TSGA10IP: variants seen among roughly 807,000 people sequenced by gnomAD.
The protein encoded by TSGA10IP is testis-specific protein 10-interacting protein.
A neutral mutation model predicts 63.2 loss-of-function variants in TSGA10IP; 64 were observed. The ratio of observed to expected loss-of-function variants is 1.01; its 90% CI spans 0.83 to 1.25. The LOEUF (loss-of-function observed/expected upper bound fraction) is 1.25. TSGA10IP is among the 50% of genes most tolerant of loss of function. TSGA10IP has a pLI of 0.00. For synonymous variants in TSGA10IP, 316 were observed against 298.3 expected (o/e 1.06, Z -0.61); for missense variants, 681 against 710.1 (o/e 0.96, Z 0.47).
intron 3 of TSGA10IP, 83 bp downstream of exon 3, chr11:65,947,911 C>G: frequency 5.3e-6 from 8 of 1,507,310 alleles, no homozygotes; most frequent in Non-Finnish European, 7.1e-6. Context: ...GGGGCTCAGG[C>G]AGGCTGGGCT....
At chr11:65,954,655 T>C (rs753083848) in intron 5 of TSGA10IP, among the ~76,000 whole-genome samples, 1 of 151,878 alleles carries the variant, frequency 6.6e-6, no homozygotes, top group Non-Finnish European at 1.5e-5. Flanking sequence ...TCATCTCTAC[T>C]AAAAATACAA....
Position 65,946,934 on chromosome 11 carries a change from CAG to C in TSGA10IP, c.205_206del (p.Ser69LeufsTer22). ...AAATCAAGACCTGCAGCAGAGGTCT[CAG>C]AGCTCAAGGCAGACAGCAAAGAAGG... On this transcript the variant is annotated frameshift_variant, in exon 2 of 8. Coordinates refer to ENST00000532620, the Ensembl canonical transcript of TSGA10IP. LOFTEE classifies it high-confidence loss of function. 10 of 1,613,920 alleles carry C rather than the reference CAG, an allele frequency of 6.2e-6. No individual in the cohort carries two copies. Among genetic ancestry groups the C allele is most frequent in the Non-Finnish European group, 7.6e-6 (9 of 1,179,866 alleles).
At chr11:65,948,210 C>T (rs1854879845) in intron 4 of TSGA10IP, 62 bp downstream of exon 4, 1 of 1,515,670 alleles carries the variant, frequency 6.6e-7, no homozygotes. Context: ...GCCACTTCTC[C>T]AAGAGATGCT....
In TSGA10IP at chr11:65,958,868, C is replaced by G. The variant is rs1855068597; in HGVS notation, c.1323-15C>G. The G allele has an allele frequency of 1.2e-6, 2 of 1,607,884 alleles. No homozygotes were observed. On this transcript the variant is annotated splice_polypyrimidine_tract_variant and intron_variant, in intron 5 of 7. Transcript: ENST00000532620. ...TGTCCATGGTTAGCTGCACAAAGGC[C>G]TGTCTCCCCTGCAGGCGCCAGGAGC... is the stretch of plus-strand genomic sequence containing the variant.
chr11:65,958,946 G>A (rs1212645478), exon 6 of TSGA10IP: 1 of 1,613,276 alleles, frequency 6.2e-7, no homozygotes, highest in Admixed American at 1.7e-5. Context: ...AGCACAGGGT[G>A]CAGGCCCGGC....
chr11:65,949,808 T>C (rs1486919411), intron 4 of TSGA10IP, among the ~76,000 whole-genome samples: 1 of 151,944 alleles, frequency 6.6e-6, no homozygotes, highest in Non-Finnish European at 1.5e-5. Context: ...GTTTATATTG[T>C]TGAAGGTCTA....
intron 5 of TSGA10IP, among the ~76,000 whole-genome samples, chr11:65,954,559 T>C (rs1411360102): frequency 2.6e-5 from 4 of 151,958 alleles, no homozygotes; most frequent in Non-Finnish European, 5.9e-5. Context: ...TTGCTGCTGG[T>C]GGGCCAGGTC....
At chr11:65,959,693 C>T in intron 7 of TSGA10IP, 124 bp from the exon 8 acceptor site, 1 of 1,348,166 alleles carries the variant, frequency 7.4e-7, no homozygotes. Flanking sequence ...CGAGAAGAGT[C>T]ACTTTGCCCA....
At chr11:65,947,399 T>C (rs1323116467) in exon 3 of TSGA10IP, 1 of 1,613,006 alleles carries the variant, frequency 6.2e-7, no homozygotes, top group African/African-American at 1.3e-5. Context: ...GGAGCTAGGA[T>C]CAGAGCCCCC....
rs775225767 is a variant in TSGA10IP, at chr11:65,947,651, C to T, written c.826C>T (p.Gln276Ter). The change falls in exon 3 of 8, where the codon CAG (glutamine) becomes TAG (stop). Residue 276 changes from glutamine (Q) to a stop codon, truncating the protein, a stop_gained. Coordinates refer to ENST00000532620, the Ensembl canonical transcript of TSGA10IP. LOFTEE classifies it high-confidence loss of function. ...GAGGGCTGGTTGTCAGAGAAAGGGG[C>T]AGATTTCTGGAGAGGAAGCCTCCGA... 3 of 1,612,212 alleles carry T rather than the reference C, an allele frequency of 1.9e-6. No individual in the cohort carries two copies. The highest frequency in any genetic ancestry group is 3.4e-5 in the Admixed American group (2 of 59,542).
At chr11:65,953,584 GGGAGCGGCAGCGGCAGGA>G (rs756511060) in exon 5 of TSGA10IP, 7 of 1,590,886 alleles carry the variant, frequency 4.4e-6, no homozygotes, top group South Asian at 1.1e-5. Flanking sequence ...CTGCAGGCCT[GGGAGCGGCAGCGGCAGGA>G]GGAGCGGCAG....
At chr11:65,959,843 T>G in exon 8 of TSGA10IP, 1 of 1,579,970 alleles carries the variant, frequency 6.3e-7, no homozygotes, top group East Asian at 2.3e-5. Flanking sequence ...GGGGTGAGAA[T>G]GGAGCACTCT....
intron 5 of TSGA10IP, 50 bp downstream of exon 5, chr11:65,953,787 C>A: frequency 1.4e-6 from 2 of 1,407,756 alleles, no homozygotes; most frequent in African/African-American, 3.0e-5. Context: ...GCAGGGAGGC[C>A]GTGTCAGGTC....
chr11:65,955,717 G>A (rs74931633), intron 5 of TSGA10IP, among the ~76,000 whole-genome samples: 3 of 152,068 alleles, frequency 2.0e-5, no homozygotes, highest in South Asian at 2.1e-4. Context: ...AAGTCAGTAC[G>A]GCCCGCTCAC....
rs1565309521 is a variant in TSGA10IP, at chr11:65,959,286, GA to G, written c.1520del (p.Asp507AlafsTer17). The G allele has an allele frequency of 1.9e-6, 3 of 1,611,388 alleles. No individual in the cohort carries two copies. Among genetic ancestry groups the G allele is most frequent in the South Asian group, 1.1e-5 (1 of 90,770 alleles). ...GCTGCTGTCTGAGGCAGGAAAGGTG[GA>G]CAGAGAGGGCACCCCCAGGAAACCC... On this transcript the variant is annotated frameshift_variant, in exon 7 of 8. Transcript: ENST00000532620. LOFTEE classifies it low-confidence loss of function (END_TRUNC).
At chr11:65,959,954 G>T (rs368588379) in exon 8 of TSGA10IP, 2 of 1,612,458 alleles carry the variant, frequency 1.2e-6, no homozygotes, top group African/African-American at 1.3e-5. Context: ...AAAATTAAAG[G>T]CTTTATGGCA....
intron 5 of TSGA10IP, among the ~76,000 whole-genome samples, chr11:65,957,764 G>A (rs898734466): frequency 2.0e-5 from 3 of 151,964 alleles, no homozygotes; most frequent in Non-Finnish European, 2.9e-5. Context: ...TCTTGTCTGC[G>A]TCTTCCCTCC....
At chr11:65,945,613 G>A (rs1404885078) in exon 1 of TSGA10IP, 4 of 1,579,086 alleles carry the variant, frequency 2.5e-6, no homozygotes, top group Non-Finnish European at 2.6e-6. Flanking sequence ...ACTGGCTGAG[G>A]ACTGGTTGCC....
intron 4 of TSGA10IP, among the ~76,000 whole-genome samples, chr11:65,949,337 G>A (rs1854902516): frequency 6.6e-6 from 1 of 152,154 alleles, no homozygotes; most frequent in African/African-American, 2.4e-5. Context: ...CTTAGAGGCT[G>A]GTTCAATAGG....
Sources: gnomAD v4.1 joint callset for allele counts (sites outside exome capture counted in the v4.1 genomes callset) on GRCh38, gnomAD v4.1.1 for gene constraint, MANE v1.5 for transcripts, NCBI Gene and HGNC (gene_info 2026-07-23, HGNC 2026-07-21) for gene names.